DTNA: variants seen among roughly 807,000 people sequenced by gnomAD.
The protein encoded by DTNA is dystrophin-related protein 3.
Under a neutral mutation model 100.7 loss-of-function variants are expected in DTNA, and 43 were observed. The observed-to-expected ratio is 0.43, with a 90% CI of 0.33 to 0.55. DTNA has a LOEUF of 0.55. Among genes scored for constraint, DTNA ranks in the 20% least tolerant of loss-of-function variants. DTNA has a pLI of 0.04. For synonymous variants in DTNA, 349 were observed against 347.9 expected, an observed-to-expected ratio of 1.00 and a Z score of -0.04; for missense variants, 798 against 953.9, an observed-to-expected ratio of 0.84 and a Z score of 2.15.
intron 1 of DTNA, among the ~76,000 whole-genome samples, chr18:34,688,947 T>C (rs1290601720): frequency 6.6e-6 from 1 of 152,100 alleles, no homozygotes; most frequent in Non-Finnish European, 1.5e-5. Context: ...CTATTGATAT[T>C]TGTATATGCT....
chr18:34,720,109 G>A (rs190472714), intron 1 of DTNA, among the ~76,000 whole-genome samples: 5 of 152,324 alleles, frequency 3.3e-5, no homozygotes, highest in Admixed American at 2.6e-4. Context: ...TCAGGCCAGA[G>A]GCTGGCCAAG....
intron 1 of DTNA, among the ~76,000 whole-genome samples, chr18:34,725,722 C>T (rs1387578714): frequency 2.0e-5 from 3 of 152,160 alleles, no homozygotes; most frequent in Non-Finnish European, 4.4e-5. Flanking sequence ...TGGAAATACC[C>T]TTTGACCCAA....
chr18:34,819,828 T>C (rs2095668469), intron 8 of DTNA, among the ~76,000 whole-genome samples: 1 of 151,904 alleles, frequency 6.6e-6, no homozygotes, highest in Admixed American at 6.6e-5. Context: ...TACTTAGCTT[T>C]TAAAAAATGA....
intron 1 of DTNA, among the ~76,000 whole-genome samples, chr18:34,630,501 G>A (rs2057937936): frequency 6.6e-6 from 1 of 152,150 alleles, no homozygotes. Context: ...GAATAGTGAT[G>A]GAAAGGATTT....
intron 1 of DTNA, among the ~76,000 whole-genome samples, chr18:34,748,092 T>A (rs1374890773): frequency 6.6e-6 from 1 of 152,098 alleles, no homozygotes; most frequent in Non-Finnish European, 1.5e-5. Flanking sequence ...TTTGTTGGCC[T>A]TTTGTATATC....
chr18:34,612,116 C>T (rs1024831696), intron 1 of DTNA, among the ~76,000 whole-genome samples: 1 of 152,250 alleles, frequency 6.6e-6, no homozygotes, highest in Non-Finnish European at 1.5e-5. Flanking sequence ...AAGGACATCA[C>T]AACATTCCCT....
At chr18:34,866,277 G>T (rs1023449833) in intron 17 of DTNA, 3 of 1,554,756 alleles carry the variant, frequency 1.9e-6, no homozygotes, top group Non-Finnish European at 1.7e-6. Flanking sequence ...CTTTTTCAAT[G>T]TAGTGCTTGA....
intron 1 of DTNA, among the ~76,000 whole-genome samples, chr18:34,554,628 A>G (rs201852752): frequency 0.088 from 13,242 of 150,484 alleles, 563 homozygotes; most frequent in South Asian, 0.1. Flanking sequence ...ATCTATTGAG[A>G]TAATCATGTG....
chr18:34,772,994 T>G (rs916710454), intron 3 of DTNA, among the ~76,000 whole-genome samples: 6 of 152,212 alleles, frequency 3.9e-5, no homozygotes, highest in Admixed American at 2.0e-4. Context: ...TCCTAGAGCC[T>G]CCCTTATTCT....
intron 1 of DTNA, among the ~76,000 whole-genome samples, chr18:34,694,893 C>A (rs913342123): frequency 6.6e-6 from 1 of 152,160 alleles, no homozygotes; most frequent in African/African-American, 2.4e-5. Context: ...CTCATCCCCT[C>A]AGTTAAACAG....
chr18:34,765,058 G>A (rs1388247409), intron 2 of DTNA, among the ~76,000 whole-genome samples: 2 of 152,150 alleles, frequency 1.3e-5, no homozygotes, highest in African/African-American at 2.4e-5. Context: ...CCAAGGCTAC[G>A]AGAGATTCTG....
At chr18:34,658,493 C>T (rs2074713916) in intron 1 of DTNA, among the ~76,000 whole-genome samples, 1 of 151,860 alleles carries the variant, frequency 6.6e-6, no homozygotes, top group African/African-American at 2.4e-5. Flanking sequence ...GCTGAGACAA[C>T]AGGAGTGTGC....
chr18:34,647,436 G>C (rs899701502), intron 1 of DTNA, among the ~76,000 whole-genome samples: 1 of 152,168 alleles, frequency 6.6e-6, no homozygotes, highest in African/African-American at 2.4e-5. Context: ...AGCTTTACAG[G>C]AGCAGGCGCC....
chr18:34,522,733 A>G (rs1491001962), intron 1 of DTNA, among the ~76,000 whole-genome samples: 1 of 152,298 alleles, frequency 6.6e-6, no homozygotes, highest in East Asian at 1.9e-4. Context: ...GGCTCCTTGC[A>G]GAAAGCTAGC....
chr18:34,793,914 A>G, intron 3 of DTNA, 123 bp from the exon 4 acceptor site: 1 of 949,812 alleles, frequency 1.1e-6, no homozygotes, highest in Non-Finnish European at 1.7e-6. Context: ...ACTTATGTTG[A>G]CCCCCTGCAA....
chr18:34,752,092 T>G (rs936585356), intron 1 of DTNA, among the ~76,000 whole-genome samples: 1 of 152,196 alleles, frequency 6.6e-6, no homozygotes, highest in African/African-American at 2.4e-5. Context: ...TCTTGTAAAA[T>G]CTAAGGTTGT....
chr18:34,562,358 T>C, intron 1 of DTNA, among the ~76,000 whole-genome samples: 1 of 152,208 alleles, frequency 6.6e-6, no homozygotes, highest in Non-Finnish European at 1.5e-5. Flanking sequence ...GATAAAGAAC[T>C]TCCCGTTATT....
At chr18:34,561,486 G>T (rs1321812153) in intron 1 of DTNA, among the ~76,000 whole-genome samples, 2 of 151,990 alleles carry the variant, frequency 1.3e-5, no homozygotes, top group Non-Finnish European at 1.5e-5. Context: ...TTTGATATTT[G>T]CTGCCTTCTC....
chr18:34,827,660 C>T lies in DTNA; in HGVS notation c.1069C>T (p.Pro357Ser), dbSNP rs2095890780. Reference sequence around the variant, plus strand: ...CCACTCTGTTCCCTCCTCAGGAAGTCCTTTTATTACCAGGAGGTAAGTTCC... The same window carrying T: ...CCACTCTGTTCCCTCCTCAGGAAGTTCTTTTATTACCAGGAGGTAAGTTCC... ...FSHSVPSSGS[P>S]FITRRLPEGI... The change falls in exon 10 of 23, where the codon CCT becomes TCT. Residue 357 changes from proline (P) to serine (S), a missense_variant. By Grantham distance (74) the Pro-to-Ser change is moderately conservative. Transcript: ENST00000444659. 2 of 1,613,872 alleles carry T rather than the reference C, an allele frequency of 1.2e-6. No individual in the cohort carries two copies. Among genetic ancestry groups the T allele is most frequent in the South Asian group, 1.1e-5 (1 of 91,072 alleles).
Sources: gnomAD v4.1 joint callset for allele counts (sites outside exome capture counted in the v4.1 genomes callset) on GRCh38, gnomAD v4.1.1 for gene constraint, MANE v1.5 for transcripts, NCBI Gene and HGNC (gene_info 2026-07-23, HGNC 2026-07-21) for gene names.